The following CELF5 variants were observed in gnomAD, a reference collection of about 807,000 sequenced individuals.
CELF5 encodes CUG-BP and ETR-3 like factor 5.
Under a neutral mutation model 54.9 loss-of-function variants are expected in CELF5, and 6 were observed. That is an observed-to-expected ratio of 0.11 (90% confidence interval 0.06 to 0.22). CELF5 has a LOEUF of 0.22. Among genes scored for constraint, CELF5 ranks in the 10% least tolerant of loss-of-function variants. CELF5 has a pLI of 1.00. For missense variants in CELF5, 401 were observed against 678.6 expected (o/e 0.59, Z 4.54); for synonymous variants, 271 against 290.9 (o/e 0.93, Z 0.70).
rs565138573 is a variant in CELF5 at position 3,254,639 on chromosome 19, C to T, written c.342+3572C>T. Among the ~76,000 whole-genome samples, 3 of 151,214 alleles carry T rather than the reference C, an allele frequency of 2.0e-5. No individual in the cohort carries two copies. In the South Asian group the frequency reaches 6.3e-4, roughly 32 times the overall value. On this transcript the variant is annotated intron_variant, in intron 2 of 12. Coordinates refer to ENST00000292672, the MANE Select transcript of CELF5 (RefSeq NM_021938.4). ...CATCTACTCATTACCTACCCACCCA[C>T]CCACACATCTATTATGCATCCCTCC...
At chr19:3,245,218 G>A (rs956648474) in intron 1 of CELF5, among the ~76,000 whole-genome samples, 12 of 144,546 alleles carry the variant, frequency 8.3e-5, no homozygotes, top group African/African-American at 3.1e-4. Context: ...TGCATGTGTG[G>A]GTGTGTGATG....
At chr19:3,294,686 G>C (rs1309257681) in intron 12 of CELF5, 1 of 152,016 alleles carries the variant, frequency 6.6e-6, no homozygotes, top group Non-Finnish European at 1.5e-5. Flanking sequence ...CACTGTTCCA[G>C]TGCTCGGGGA....
intron 2 of CELF5, among the ~76,000 whole-genome samples, chr19:3,267,557 C>T (rs1013368754): frequency 1.6e-4 from 24 of 152,234 alleles, no homozygotes; most frequent in African/African-American, 4.6e-4. Context: ...TGGGACAGTG[C>T]GGGGAGGGGC....
chr19:3,260,651 C>T lies in CELF5; in HGVS notation c.342+9584C>T, dbSNP rs192974395. 4.5e-3 allele frequency among the ~76,000 whole-genome samples: 623 copies of T among 139,128 alleles called. 10 individuals carry two copies. Among genetic ancestry groups the T allele is most frequent in the African/African-American group, 0.014 (531 of 37,026 alleles). 91.3% of individuals were successfully genotyped at this position (139,128 alleles called of 152,430 possible). ...TTTTTTTTTTTTTTTGAGACAGAGTCTCACGCTGTCGCCCAGGCTGGAGTG... is the reference window on the plus strand; with the variant it reads ...TTTTTTTTTTTTTTTGAGACAGAGTTTCACGCTGTCGCCCAGGCTGGAGTG... On this transcript the variant is annotated intron_variant, in intron 2 of 12. Transcript: ENST00000292672.
At chr19:3,261,186 G>A (rs920803757) in intron 2 of CELF5, among the ~76,000 whole-genome samples, 4 of 152,104 alleles carry the variant, frequency 2.6e-5, no homozygotes, top group African/African-American at 4.8e-5. Flanking sequence ...TTAGAAGGCC[G>A]AGGCAGGGGG....
intron 1 of CELF5, among the ~76,000 whole-genome samples, chr19:3,239,013 C>A (rs1459103250): frequency 6.6e-6 from 1 of 152,168 alleles, no homozygotes; most frequent in Non-Finnish European, 1.5e-5. Context: ...TCCCAAATTC[C>A]TTATTGAAAT....
chr19:3,261,964 C>A (rs973016398), intron 2 of CELF5, among the ~76,000 whole-genome samples: 1 of 152,148 alleles, frequency 6.6e-6, no homozygotes. Flanking sequence ...TGATCACTAG[C>A]TCCGTGAGGC....
At chr19:3,261,459 A>G (rs1362670546) in intron 2 of CELF5, among the ~76,000 whole-genome samples, 2 of 152,006 alleles carry the variant, frequency 1.3e-5, no homozygotes, top group Admixed American at 6.6e-5. Context: ...CTGTGAGAGA[A>G]CAATATACAC....
rs1480554897 is a variant in CELF5, at chr19:3,225,045, A to AC, written c.259+51dup. On this transcript the variant is annotated intron_variant, in intron 1 of 12. Transcript: ENST00000292672. Reference sequence around the variant, plus strand: ...CCCTCTCCCCCTCCCTCCGCCTCCCACCCCACCTTCCGGCATCTTCTCTCC... The same window carrying AC: ...CCCTCTCCCCCTCCCTCCGCCTCCCACCCCCACCTTCCGGCATCTTCTCTCC... 4 of 993,546 alleles carry AC rather than the reference A, an allele frequency of 4.0e-6. No homozygotes were observed. The African/African-American group carries it at 1.5e-4, about 37-fold the overall frequency. 61.5% of individuals were successfully genotyped at this position (993,546 alleles called of 1,614,324 possible). A position where few individuals can be genotyped will look rare whatever the true frequency, so the allele number is the denominator to read the frequency against.
intron 2 of CELF5, among the ~76,000 whole-genome samples, chr19:3,264,439 G>A (rs900696428): frequency 4.7e-5 from 7 of 149,130 alleles, no homozygotes; most frequent in African/African-American, 1.7e-4. Flanking sequence ...TTTAAGAGAC[G>A]GAGTCTTGCT....
In CELF5 at chr19:3,268,496, A is replaced by C. The variant is rs143076460; in HGVS notation, c.343-5376A>C. Among the ~76,000 whole-genome samples, 44 of 151,902 alleles carry C rather than the reference A, an allele frequency of 2.9e-4. No individual in the cohort carries two copies. The East Asian group carries it at 3.3e-3, about 11-fold the overall frequency. ...TGGGCCTGTGCAGACACCAAATTGTAAGACACTGCCTGGCACCAGCTCTTG... is the reference window on the plus strand; with the variant it reads ...TGGGCCTGTGCAGACACCAAATTGTCAGACACTGCCTGGCACCAGCTCTTG... On this transcript the variant is annotated intron_variant, in intron 2 of 12. Coordinates refer to ENST00000292672, the MANE Select transcript of CELF5 (RefSeq NM_021938.4). The surrounding 1 kb of genome is among the most constrained non-coding windows in gnomAD (Gnocchi z 4.4).
intron 2 of CELF5, among the ~76,000 whole-genome samples, chr19:3,253,908 C>T (rs1009172000): frequency 1.3e-5 from 2 of 152,140 alleles, no homozygotes; most frequent in African/African-American, 4.8e-5. Flanking sequence ...AGCACTTCTC[C>T]CCCATTCCTT....
chr19:3,270,760 A>T (rs1289412166), intron 2 of CELF5: 2 of 152,056 alleles, frequency 1.3e-5, no homozygotes, highest in Admixed American at 6.5e-5. Context: ...GGGCTACCCA[A>T]CTGGCTTCAC....
intron 2 of CELF5, among the ~76,000 whole-genome samples, chr19:3,253,568 C>T (rs982518008): frequency 1.3e-5 from 2 of 152,124 alleles, no homozygotes; most frequent in South Asian, 2.1e-4. Context: ...GCCCTAGCCT[C>T]GGAATTACAC....
intron 2 of CELF5, among the ~76,000 whole-genome samples, chr19:3,251,285 T>C (rs2079643623): frequency 6.6e-6 from 1 of 152,178 alleles, no homozygotes; most frequent in Admixed American, 6.5e-5. Flanking sequence ...AGTGGTTGTG[T>C]GTGGTTGTGC....
intron 8 of CELF5, among the ~76,000 whole-genome samples, chr19:3,283,998 T>A (rs146547004): frequency 0.011 from 1,736 of 151,756 alleles, 27 homozygotes; most frequent in African/African-American, 0.04. Context: ...CCATTATGCT[T>A]GGCTAATTTT....
intron 8 of CELF5, among the ~76,000 whole-genome samples, chr19:3,283,014 A>T (rs1473208957): frequency 6.6e-6 from 1 of 152,050 alleles, no homozygotes; most frequent in Non-Finnish European, 1.5e-5. Context: ...TAGTTTTAGT[A>T]GAGATGGGGT....
chr19:3,248,922 C>CTTTCTTTTCT (rs574151142), intron 1 of CELF5, among the ~76,000 whole-genome samples: 10 of 119,142 alleles, frequency 8.4e-5, no homozygotes, highest in African/African-American at 2.8e-4. Flanking sequence ...TTCTTTCTTT[C>CTTTCTTTTCT]TTTCTTTTCT....
intron 8 of CELF5, among the ~76,000 whole-genome samples, chr19:3,284,435 C>T (rs1257893527): frequency 5.3e-5 from 8 of 152,184 alleles, no homozygotes. Context: ...CCCTCCCCTA[C>T]CCCTTTCCCT....
Sources: allele counts gnomAD v4.1 joint callset (sites outside exome capture counted in the v4.1 genomes callset), GRCh38; gene constraint gnomAD v4.1.1; non-coding constraint Gnocchi (gnomAD v3.1); transcripts MANE v1.5; gene names NCBI Gene and HGNC (gene_info 2026-07-23, HGNC 2026-07-21).